YIPF1: variants seen among roughly 807,000 people sequenced by gnomAD.
The protein encoded by YIPF1 is Yip1 domain family member 1, also known as protein YIPF1.
In YIPF1, 22 loss-of-function variants were observed where a neutral mutation model predicts 37.0. That is an observed-to-expected ratio of 0.59 (90% CI 0.42 to 0.85). YIPF1 has a LOEUF of 0.85. YIPF1 is among the 40% of genes least tolerant of loss of function. YIPF1 has a pLI of 0.00. For synonymous variants in YIPF1, 128 were observed against 131.9 expected (o/e 0.97, Z 0.21); for missense variants, 355 against 373.1 (o/e 0.95, Z 0.40).
chr1:53,863,888 T>A (rs1649950571), intron 9 of YIPF1, among the ~76,000 whole-genome samples: 1 of 152,120 alleles, frequency 6.6e-6, no homozygotes, highest in East Asian at 1.9e-4. Context: ...TACAAGCACG[T>A]GCCACCATAC....
chr1:53,878,338 A>T lies in YIPF1; in HGVS notation c.341T>A (p.Ile114Asn), dbSNP rs773275724. ...ACCATAGAGATCTGGATTGCTGCGG[A>T]TATATAACCTCACAAAGTTTTTCCC... ...IPGKNFVRLY[I>N]RSNPDLYGPF... The change falls in exon 6 of 11, where the codon ATC becomes AAC. Residue 114 changes from isoleucine to asparagine, a missense_variant. Transcript: ENST00000072644. The T allele has an allele frequency of 6.2e-7, 1 of 1,614,122 alleles. No individual in the cohort carries two copies. The highest frequency in any genetic ancestry group is 1.1e-5 in the South Asian group (1 of 91,086).
chr1:53,883,226 C>T lies in YIPF1; in HGVS notation c.82G>A (p.Val28Ile), dbSNP rs1392507181. 3 of 1,594,008 alleles carry T rather than the reference C, an allele frequency of 1.9e-6. No individual in the cohort carries two copies. Among genetic ancestry groups the T allele is most frequent in the African/African-American group, 1.4e-5 (1 of 73,800 alleles). Residue 28 changes from valine (V) to isoleucine (I), a missense_variant, in exon 4 of 11, where the codon GTA (valine) becomes ATA (isoleucine). Coordinates refer to ENST00000072644, the MANE Select transcript of YIPF1 (RefSeq NM_018982.5). ...SLTANPDATT[V>I]NIEDPGETPK... The stretch of plus-strand genomic sequence containing the variant: ...GTTTCACCAGGATCCTCAATGTTTA[C>T]TGTGGTGGCATCTGGGTTTGCTGTC...
At chr1:53,886,250 C>T (rs1010034543) in intron 3 of YIPF1, among the ~76,000 whole-genome samples, 1 of 151,790 alleles carries the variant, frequency 6.6e-6, no homozygotes, top group Non-Finnish European at 1.5e-5. Context: ...AAAGTGTGCC[C>T]GTGATGGAGG....
At chr1:53,862,056 G>C (rs995527457) in intron 9 of YIPF1, among the ~76,000 whole-genome samples, 2 of 152,300 alleles carry the variant, frequency 1.3e-5, no homozygotes, top group Admixed American at 1.3e-4. Context: ...GAACAATCTT[G>C]AATTCTATGA....
intron 9 of YIPF1, among the ~76,000 whole-genome samples, chr1:53,861,071 G>A (rs558349430): frequency 6.6e-6 from 1 of 152,232 alleles, no homozygotes; most frequent in East Asian, 1.9e-4. Context: ...AGCCAGAAGG[G>A]GGCACCAACA....
intron 4 of YIPF1, among the ~76,000 whole-genome samples, chr1:53,879,710 G>C (rs1289443161): frequency 3.3e-5 from 5 of 152,214 alleles, no homozygotes; most frequent in Non-Finnish European, 7.3e-5. Context: ...GCTATAGGCA[G>C]ATATTTTTTG....
intron 7 of YIPF1, 123 bp from the exon 8 acceptor site, chr1:53,867,047 C>T (rs1008442989): frequency 1.7e-6 from 2 of 1,163,632 alleles, no homozygotes; most frequent in Non-Finnish European, 2.4e-6. Flanking sequence ...ACCACGGAAT[C>T]ATGTCTTACT....
At chr1:53,868,655 TAAC>T (rs1650095274) in intron 7 of YIPF1, among the ~76,000 whole-genome samples, 1 of 152,216 alleles carries the variant, frequency 6.6e-6, no homozygotes, top group Non-Finnish European at 1.5e-5. Context: ...GTCACATAAT[TAAC>T]AAGTTAGTAG....
intron 9 of YIPF1, 48 bp from the exon 10 acceptor site, chr1:53,860,201 G>C (rs17109459): frequency 1.3e-6 from 2 of 1,589,818 alleles, no homozygotes; most frequent in South Asian, 2.2e-5. Flanking sequence ...ACAGTGGTCC[G>C]GGTAAGTGTT....
intron 8 of YIPF1, 95 bp downstream of exon 8, chr1:53,866,663 C>T (rs149448703): frequency 2.0e-5 from 29 of 1,416,932 alleles, no homozygotes; most frequent in South Asian, 5.6e-5. Flanking sequence ...ATGAGTATTG[C>T]GCTGGAAATA....
chr1:53,866,061 A>T (rs745727168), intron 9 of YIPF1, 139 bp downstream of exon 9: 73 of 1,110,978 alleles, frequency 6.6e-5, no homozygotes, highest in Non-Finnish European at 8.6e-5. Context: ...GGGCCTCCCA[A>T]AGTATTGGGA....
chr1:53,860,842 CAT>C (rs979516832), intron 9 of YIPF1, among the ~76,000 whole-genome samples: 2 of 152,182 alleles, frequency 1.3e-5, no homozygotes, highest in African/African-American at 4.8e-5. Context: ...GGAGGGAAGA[CAT>C]AAGGTCTAGA....
intron 4 of YIPF1, among the ~76,000 whole-genome samples, chr1:53,879,331 T>C (rs1053122153): frequency 6.6e-6 from 1 of 152,022 alleles, no homozygotes; most frequent in Non-Finnish European, 1.5e-5. Context: ...TGGGCTCAAG[T>C]GATACTCCCG....
rs745414460 is a variant in YIPF1, at chr1:53,858,946, T to C, written c.*8+1110A>G. Among the ~76,000 whole-genome samples the C allele has an allele frequency of 4.6e-5, 7 of 152,298 alleles. No individual in the cohort carries two copies. In the South Asian group the frequency reaches 8.3e-4, roughly 18 times the overall value. On this transcript the variant is annotated intron_variant, in intron 10 of 10. Coordinates refer to ENST00000072644, the MANE Select transcript of YIPF1 (RefSeq NM_018982.5). ...CCACCATAGCTGACCTGGGATTTAA[T>C]TGTAATTTTATTTAATTCTAAGCCC...
At chr1:53,870,310 A>G (rs148016828) in intron 7 of YIPF1, among the ~76,000 whole-genome samples, 2,281 of 151,428 alleles carry the variant, frequency 0.015, 59 homozygotes, top group African/African-American at 0.053. Flanking sequence ...AGCTGGGACT[A>G]CAGGCATGCA....
intron 9 of YIPF1, among the ~76,000 whole-genome samples, chr1:53,861,683 A>AGGGGG (rs1649883429): frequency 1.8e-5 from 2 of 108,896 alleles, no homozygotes; most frequent in South Asian, 4.0e-4. Flanking sequence ...GAAGGAAGGG[A>AGGGGG]GAGAGAGAGG....
intron 9 of YIPF1, among the ~76,000 whole-genome samples, chr1:53,863,450 T>C (rs180903447): frequency 3.9e-5 from 6 of 152,310 alleles, no homozygotes; most frequent in East Asian, 3.9e-4. Context: ...TCACAGTATA[T>C]GGAGGGCTTT....
chr1:53,879,102 T>A (rs1029853691), intron 4 of YIPF1, among the ~76,000 whole-genome samples: 1 of 57,394 alleles, frequency 1.7e-5, no homozygotes, highest in African/African-American at 6.5e-5. Context: ...ATCTTTTCGC[T>A]TTTTTTTTTT....
At chr1:53,862,834 G>A (rs943492908) in intron 9 of YIPF1, among the ~76,000 whole-genome samples, 35 of 152,192 alleles carry the variant, frequency 2.3e-4, no homozygotes, top group Admixed American at 1.6e-3. Context: ...ATGCACGATC[G>A]GCCCCTGTTT....
Sources: allele counts gnomAD v4.1 joint callset (sites outside exome capture counted in the v4.1 genomes callset), GRCh38; gene constraint gnomAD v4.1.1; transcripts MANE v1.5; gene names NCBI Gene and HGNC (gene_info 2026-07-23, HGNC 2026-07-21).